Variants in PSEN1 observed in about 807,000 individuals in gnomAD.
PSEN1 encodes the protein presenilin-1.
In PSEN1, 15 loss-of-function variants were observed where a neutral mutation model predicts 53.5. That is an observed-to-expected ratio of 0.28 (90% CI 0.19 to 0.43). The LOEUF (loss-of-function observed/expected upper bound fraction) is 0.43, where lower values mean the gene tolerates loss of function less well. PSEN1 is among the 20% of genes least tolerant of loss of function. The probability of loss-of-function intolerance (pLI) is 1.00; values close to 1 mark genes in which losing one functional copy is unlikely to be tolerated. For synonymous variants in PSEN1, 208 were observed against 209.8 expected (o/e 0.99, Z 0.08); for missense variants, 387 against 571.2 (o/e 0.68, Z 3.29).
intron 1 of PSEN1, among the ~76,000 whole-genome samples, chr14:73,143,539 G>A (rs1240673995): frequency 6.6e-6 from 1 of 152,146 alleles, no homozygotes; most frequent in Non-Finnish European, 1.5e-5. Context: ...TGGAAGAATA[G>A]ATGTGAAAAG....
intron 3 of PSEN1, among the ~76,000 whole-genome samples, chr14:73,152,440 GAAA>G (rs560079238): frequency 9.6e-6 from 1 of 104,010 alleles, no homozygotes; most frequent in Non-Finnish European, 2.1e-5. Context: ...TTTCTACTAA[GAAA>G]AAAAAAAAAA....
At chr14:73,169,990 G>C (rs959957455) in intron 3 of PSEN1, among the ~76,000 whole-genome samples, 2 of 152,210 alleles carry the variant, frequency 1.3e-5, no homozygotes, top group Non-Finnish European at 2.9e-5. Flanking sequence ...TTCTGGGAAA[G>C]AGGTGGGCAA....
chr14:73,159,329 G>A (rs761701837), intron 3 of PSEN1, among the ~76,000 whole-genome samples: 5 of 152,060 alleles, frequency 3.3e-5, no homozygotes, highest in Non-Finnish European at 7.4e-5. Flanking sequence ...CTACAGATGT[G>A]TGCCACTGCA....
rs550355231 is a variant in PSEN1 at position 73,158,108 on chromosome 14, A to G, written c.87+10002A>G. On this transcript the variant is annotated intron_variant, in intron 3 of 11. Coordinates refer to ENST00000324501, the MANE Select transcript of PSEN1 (RefSeq NM_000021.4). ...AGTTGTATACCACAGTTTTTGATCT[A>G]TTTACTTGTTGGTAGATATTTGGAT... is the stretch of plus-strand genomic sequence containing the variant. Among the ~76,000 whole-genome samples the G allele has an allele frequency of 2.0e-5, 3 of 151,942 alleles. No individual in the cohort carries two copies. In the East Asian group the frequency reaches 5.8e-4, roughly 29 times the overall value.
chr14:73,179,461 C>T (rs1429262365), intron 5 of PSEN1, among the ~76,000 whole-genome samples: 1 of 152,068 alleles, frequency 6.6e-6, no homozygotes, highest in African/African-American at 2.4e-5. Context: ...TACTAAAATA[C>T]AAAAAATTAG....
chr14:73,173,654 A>T lies in PSEN1; in HGVS notation c.427A>T (p.Ile143Phe), dbSNP rs63750322. The T allele has an allele frequency of 6.2e-7, 1 of 1,614,048 alleles. No homozygotes were observed. The highest frequency in any genetic ancestry group is 8.5e-7 in the Non-Finnish European group (1 of 1,179,904). ...GAATGCTGCCATCATGATCAGTGTC[A>T]TTGTTGTCATGACTATCCTCCTGGT... ...ILNAAIMISVIVVMTILLVVL... is the reference protein window; with the variant it reads ...ILNAAIMISVFVVMTILLVVL... Residue 143 changes from isoleucine (I) to phenylalanine (F), a missense_variant, in exon 5 of 12, where the codon ATT becomes TTT. Ile to Phe is a conservative substitution (Grantham distance 21). Transcript: ENST00000324501.
intron 9 of PSEN1, among the ~76,000 whole-genome samples, chr14:73,210,666 A>G (rs1899640411): frequency 6.6e-6 from 1 of 152,200 alleles, no homozygotes; most frequent in South Asian, 2.1e-4. Context: ...TCCAAACCAG[A>G]GAAGATTCAG....
chr14:73,209,857 G>A (rs1007757768), intron 9 of PSEN1, among the ~76,000 whole-genome samples: 2 of 152,170 alleles, frequency 1.3e-5, no homozygotes, highest in African/African-American at 4.8e-5. Context: ...CTTCCTCAGT[G>A]AGAATGCTGC....
At chr14:73,187,016 C>G in intron 6 of PSEN1, 96 bp downstream of exon 6, 1 of 1,023,808 alleles carries the variant, frequency 9.8e-7, no homozygotes, top group East Asian at 2.4e-5. Flanking sequence ...ATGAATTACT[C>G]TGAAGTTTTA....
At chr14:73,167,980 G>A (rs1356817470) in intron 3 of PSEN1, 5 of 152,090 alleles carry the variant, frequency 3.3e-5, no homozygotes, top group Admixed American at 3.3e-4. Context: ...GCAACCCTAA[G>A]TGAAAACAGC....
chr14:73,169,915 G>C (rs540540587), intron 3 of PSEN1, among the ~76,000 whole-genome samples: 1 of 152,176 alleles, frequency 6.6e-6, no homozygotes, highest in South Asian at 2.1e-4. Context: ...CAAAGTGCTG[G>C]GATTTCAGGC....
At chr14:73,168,562 C>T (rs1246520275) in intron 3 of PSEN1, 1 of 152,186 alleles carries the variant, frequency 6.6e-6, no homozygotes, top group East Asian at 1.9e-4. Context: ...ACGTGGCTAA[C>T]TTCAGATGGT....
At position 73,222,518 on chromosome 14, in the gene PSEN1, T is replaced by G. The variant is rs1900137059; in HGVS notation, c.*3229T>G. 1 of 152,170 alleles carries G rather than the reference T, an allele frequency of 6.6e-6. No homozygotes were observed. The highest frequency in any genetic ancestry group is 1.9e-4 in the East Asian group (1 of 5,196). 9.4% of individuals were successfully genotyped at this position (152,170 alleles called of 1,614,324 possible). A position where few individuals can be genotyped will look rare whatever the true frequency, so the allele number is the denominator to read the frequency against. On this transcript the variant is annotated 3_prime_UTR_variant, in exon 12 of 12. Transcript: ENST00000324501. ...AGCCTTTGATCCCAACCCCCAAGGC[T>G]TTGTATATTTGATCATTTGTGATCT...
intron 8 of PSEN1, among the ~76,000 whole-genome samples, chr14:73,205,533 C>T (rs1899422478): frequency 6.6e-6 from 1 of 151,362 alleles, no homozygotes; most frequent in Non-Finnish European, 1.5e-5. Flanking sequence ...CAGCTTGCTG[C>T]TGGCATTTGG....
chr14:73,223,093 G>A lies in PSEN1; in HGVS notation c.*3804G>A, dbSNP rs1263670183. On this transcript the variant is annotated 3_prime_UTR_variant, in exon 12 of 12. Transcript: ENST00000324501. The stretch of plus-strand genomic sequence containing the variant: ...TTCATAGTGCGTTGTGAAATGGCTG[G>A]CCAGAGTGTACCAACAAAGCTGTCA... 6.6e-6 allele frequency: 1 copy of A among 152,202 alleles called. No homozygotes were observed. The highest frequency in any genetic ancestry group is 6.5e-5 in the Admixed American group (1 of 15,276). 9.4% of individuals were successfully genotyped at this position (152,202 alleles called of 1,614,324 possible). A position where few individuals can be genotyped will look rare whatever the true frequency, so the allele number is the denominator to read the frequency against.
At chr14:73,147,048 T>C (rs993468805) in intron 1 of PSEN1, among the ~76,000 whole-genome samples, 14 of 150,406 alleles carry the variant, frequency 9.3e-5, no homozygotes, top group Admixed American at 3.3e-4. Context: ...GCCATTCTTT[T>C]TTTTTTTTTT....
At chr14:73,175,708 A>C (rs1898030387) in intron 5 of PSEN1, among the ~76,000 whole-genome samples, 1 of 152,144 alleles carries the variant, frequency 6.6e-6, no homozygotes, top group African/African-American at 2.4e-5. Flanking sequence ...GATGTTGGAC[A>C]TTTGTTTCTA....
chr14:73,193,896 A>G (rs556254447), intron 7 of PSEN1, among the ~76,000 whole-genome samples: 53 of 152,312 alleles, frequency 3.5e-4, no homozygotes, highest in African/African-American at 1.0e-3. Flanking sequence ...GGCTCAAGCA[A>G]TCCTCCTACC....
chr14:73,155,264 C>G (rs1897321875), intron 3 of PSEN1, among the ~76,000 whole-genome samples: 1 of 152,106 alleles, frequency 6.6e-6, no homozygotes, highest in Admixed American at 6.6e-5. Context: ...TCTAGAACTT[C>G]TTAGCATTAT....
Sources: allele counts gnomAD v4.1 joint callset (sites outside exome capture counted in the v4.1 genomes callset), GRCh38; gene constraint gnomAD v4.1.1; transcripts MANE v1.5; gene names NCBI Gene and HGNC (gene_info 2026-07-23, HGNC 2026-07-21).